Variants in HTR5A observed in about 807,000 individuals in gnomAD.
HTR5A encodes 5-hydroxytryptamine receptor 5A.
In HTR5A, 21 loss-of-function variants were observed where a neutral mutation model predicts 24.3. The ratio of observed to expected loss-of-function variants is 0.86; its 90% CI spans 0.61 to 1.24. HTR5A has a LOEUF of 1.24. Ranked by LOEUF, HTR5A falls within the 50% of genes most tolerant of loss-of-function variation. HTR5A has a pLI of 0.00. For synonymous variants in HTR5A, 260 were observed against 213.7 expected (o/e 1.22, Z -1.89); for missense variants, 497 against 489.5 (o/e 1.02, Z -0.15).
rs1162409501 is a variant in HTR5A at position 155,071,535 on chromosome 7, G to A, written c.636G>A (p.Pro212=). Residue 212 remains proline (P), a synonymous_variant, in exon 1 of 2, where the codon CCG becomes CCA. Coordinates refer to ENST00000287907, the MANE Select transcript of HTR5A (RefSeq NM_024012.4). ...CCACCGTAGGCGCCTTCTACCTGCC[G>A]CTCTGTGTGGTGCTCTTCGTGTACT... The part of the protein sequence containing the change: ...VFSTVGAFYL[P]LCVVLFVYWK... 8 of 1,614,052 alleles carry A rather than the reference G, an allele frequency of 5.0e-6. No individual in the cohort carries two copies. The highest frequency in any genetic ancestry group is 6.8e-6 in the Non-Finnish European group (8 of 1,180,052).
Position 155,084,502 on chromosome 7 carries a change from A to G in HTR5A, c.*15A>G, listed in dbSNP as rs1563423710. The G allele has an allele frequency of 6.3e-7, 1 of 1,581,172 alleles. No individual in the cohort carries two copies. The highest frequency in any genetic ancestry group is 8.6e-7 in the Non-Finnish European group (1 of 1,162,054). ...GGCAACACTGAGGGAGAGGACCAGGATTGAAAAAAGTTTCTTCCCATAATT... is the reference window on the plus strand; with the variant it reads ...GGCAACACTGAGGGAGAGGACCAGGGTTGAAAAAAGTTTCTTCCCATAATT... On this transcript the variant is annotated 3_prime_UTR_variant, in exon 2 of 2. Transcript: ENST00000287907.
intron 1 of HTR5A, among the ~76,000 whole-genome samples, chr7:155,072,119 G>C (rs1795304404): frequency 6.6e-6 from 1 of 152,156 alleles, no homozygotes; most frequent in Admixed American, 6.5e-5. Context: ...ATGCAGGTTA[G>C]CATTTCATCC....
At chr7:155,083,823 G>A (rs1795445002) in intron 1 of HTR5A, among the ~76,000 whole-genome samples, 1 of 152,186 alleles carries the variant, frequency 6.6e-6, no homozygotes, top group East Asian at 1.9e-4. Flanking sequence ...TTGATGAAGT[G>A]TGCACCTCTG....
In HTR5A at chr7:155,085,556, C is replaced by T. The variant is rs1795467788; in HGVS notation, c.*1069C>T. The stretch of plus-strand genomic sequence containing the variant: ...ACAGAACAATGGTAAAATGCAGCCC[C>T]AGTCCTCTACAAATTGACAGTATAA... On this transcript the variant is annotated 3_prime_UTR_variant, in exon 2 of 2. Transcript: ENST00000287907. 1 of 151,870 alleles carries T rather than the reference C, an allele frequency of 6.6e-6. No homozygotes were observed. The highest frequency in any genetic ancestry group is 1.9e-4 in the East Asian group (1 of 5,182). 9.4% of individuals were successfully genotyped at this position (151,870 alleles called of 1,614,324 possible).
intron 1 of HTR5A, among the ~76,000 whole-genome samples, chr7:155,073,145 C>A (rs1019389924): frequency 6.6e-6 from 1 of 151,760 alleles, no homozygotes; most frequent in African/African-American, 2.4e-5. Flanking sequence ...ATGGTGAAAC[C>A]CCGTCTCTAC....
At chr7:155,072,377 A>G (rs1039146562) in intron 1 of HTR5A, among the ~76,000 whole-genome samples, 4 of 152,162 alleles carry the variant, frequency 2.6e-5, no homozygotes, top group African/African-American at 9.7e-5. Flanking sequence ...CTTCCTGAAC[A>G]TGAGTAAAGC....
At chr7:155,080,576 G>A (rs191348225) in intron 1 of HTR5A, among the ~76,000 whole-genome samples, 160 of 152,322 alleles carry the variant, frequency 1.1e-3, no homozygotes, top group Middle Eastern at 6.8e-3. Context: ...TGCCACTACT[G>A]CTCAGAGTCT....
At chr7:155,076,739 G>GA (rs1795363008) in intron 1 of HTR5A, among the ~76,000 whole-genome samples, 1 of 152,174 alleles carries the variant, frequency 6.6e-6, no homozygotes, top group Non-Finnish European at 1.5e-5. Context: ...TCAATGAGTA[G>GA]AAAAATATTG....
At chr7:155,072,170 A>G (rs1014557109) in intron 1 of HTR5A, among the ~76,000 whole-genome samples, 2 of 152,194 alleles carry the variant, frequency 1.3e-5, no homozygotes, top group African/African-American at 4.8e-5. Context: ...CAGCCGGTTT[A>G]TTAAAAATAT....
chr7:155,070,357 G>A lies in HTR5A; in HGVS notation c.-543G>A, dbSNP rs554770418. 4.4e-6 allele frequency: 2 copies of A among 454,952 alleles called. No individual in the cohort carries two copies. Among genetic ancestry groups the A allele is most frequent in the East Asian group, 7.1e-5 (1 of 14,092 alleles). The allele number at this position is 454,952 out of a possible 1,614,324, so 28.2% of individuals were successfully genotyped here. A position where few individuals can be genotyped will look rare whatever the true frequency, so the allele number is the denominator to read the frequency against. ...CTCTCCGGAGCTGCAGCCTCCGAAGGGGTGGCGGGGGCAACAGGGACAGAA... is the reference window on the plus strand; with the variant it reads ...CTCTCCGGAGCTGCAGCCTCCGAAGAGGTGGCGGGGGCAACAGGGACAGAA... On this transcript the variant is annotated 5_prime_UTR_variant, in exon 1 of 2. Transcript: ENST00000287907.
intron 1 of HTR5A, among the ~76,000 whole-genome samples, chr7:155,076,292 T>C (rs552531874): frequency 7.2e-5 from 11 of 152,360 alleles, no homozygotes; most frequent in African/African-American, 2.6e-4. Flanking sequence ...TTCACATTTG[T>C]TGTCCATTTT....
chr7:155,081,776 C>A (rs1270439119), intron 1 of HTR5A, among the ~76,000 whole-genome samples: 2 of 152,116 alleles, frequency 1.3e-5, no homozygotes, highest in African/African-American at 4.8e-5. Flanking sequence ...GCATTAGAAA[C>A]CTGAAACTCC....
rs1795455533 is a variant in HTR5A, at chr7:155,084,575, T to A, written c.*88T>A. On this transcript the variant is annotated 3_prime_UTR_variant, in exon 2 of 2. Transcript: ENST00000287907. ...ATTTCCCATCCCCACCCAACAGCCATGTGGACGGGATGAATCCTCACCATT... is the reference window on the plus strand; with the variant it reads ...ATTTCCCATCCCCACCCAACAGCCAAGTGGACGGGATGAATCCTCACCATT... The A allele has an allele frequency of 1.8e-6, 2 of 1,104,632 alleles. No individual in the cohort carries two copies. Among genetic ancestry groups the A allele is most frequent in the Non-Finnish European group, 2.6e-6 (2 of 760,298 alleles). 68.4% of individuals were successfully genotyped at this position (1,104,632 alleles called of 1,614,324 possible). A position where few individuals can be genotyped will look rare whatever the true frequency, so the allele number is the denominator to read the frequency against.
At position 155,071,256 on chromosome 7, in the gene HTR5A, G is replaced by A. The variant is rs376955221; in HGVS notation, c.357G>A (p.Ala119=). 37 of 1,605,756 alleles carry A rather than the reference G, an allele frequency of 2.3e-5. No homozygotes were observed. In the African/African-American group the frequency reaches 4.0e-4, roughly 17 times the overall value. Residue 119 remains alanine, a synonymous_variant, in exon 1 of 2, where the codon GCG becomes GCA. Transcript: ENST00000287907. ...LGRRLCQLWI[A]CDVLCCTASI... ...GGAGGCTGTGCCAGCTTTGGATCGC[G>A]TGCGACGTGCTTTGCTGCACGGCCA...
intron 1 of HTR5A, 106 bp from the exon 2 acceptor site, chr7:155,084,049 C>A: frequency 1.1e-6 from 1 of 906,276 alleles, no homozygotes; most frequent in Non-Finnish European, 1.6e-6. Flanking sequence ...CCATCGAAGA[C>A]TTTCCCTTGA....
rs1795467355 is a variant in HTR5A at position 155,085,510 on chromosome 7, G to A, written c.*1023G>A. The A allele has an allele frequency of 6.6e-6, 1 of 152,168 alleles. No homozygotes were observed. The highest frequency in any genetic ancestry group is 1.5e-5 in the Non-Finnish European group (1 of 68,042). 9.4% of individuals were successfully genotyped at this position (152,168 alleles called of 1,614,324 possible). Reference sequence around the variant, plus strand: ...ATGTGAATTCCTGCTAGGAGGCCGAGGCTAGTAGGCAATGAAAAAGACAGA... The same window carrying A: ...ATGTGAATTCCTGCTAGGAGGCCGAAGCTAGTAGGCAATGAAAAAGACAGA... On this transcript the variant is annotated 3_prime_UTR_variant, in exon 2 of 2. Coordinates refer to ENST00000287907, the MANE Select transcript of HTR5A (RefSeq NM_024012.4).
intron 1 of HTR5A, among the ~76,000 whole-genome samples, chr7:155,082,985 G>T (rs1012426583): frequency 2.2e-4 from 34 of 151,968 alleles, no homozygotes; most frequent in African/African-American, 8.0e-4. Context: ...ATACTGTTTT[G>T]CAAATAAATG....
At chr7:155,083,972 T>C (rs6979134) in intron 1 of HTR5A, among the ~76,000 whole-genome samples, 183 bp from the exon 2 acceptor site, 6,488 of 152,214 alleles carry the variant, frequency 0.043, 412 homozygotes, top group African/African-American at 0.14. Context: ...AGCAAACACC[T>C]CAGCTCTGTT....
At position 155,071,751 on chromosome 7, in the gene HTR5A, G is replaced by A. The variant is rs1438673134; in HGVS notation, c.741+111G>A. 23 of 1,096,850 alleles carry A rather than the reference G, an allele frequency of 2.1e-5. No homozygotes were observed. The Admixed American group carries it at 3.5e-4, about 17-fold the overall frequency. The allele number at this position is 1,096,850 out of a possible 1,614,324, so 67.9% of individuals were successfully genotyped here. On this transcript the variant is annotated intron_variant, in intron 1 of 1. Coordinates refer to ENST00000287907, the MANE Select transcript of HTR5A (RefSeq NM_024012.4). The stretch of plus-strand genomic sequence containing the variant: ...GTAGAAAATGGAACTTTTTGTGTTT[G>A]GGAGTGGGGGGAGTAAACTGGGAGA...
Sources: gnomAD v4.1 joint callset for allele counts (sites outside exome capture counted in the v4.1 genomes callset) on GRCh38, gnomAD v4.1.1 for gene constraint, MANE v1.5 for transcripts, NCBI Gene and HGNC (gene_info 2026-07-23, HGNC 2026-07-21) for gene names.